ENOX1: variants seen among roughly 807,000 people sequenced by gnomAD.
ENOX1 encodes the protein candidate growth-related and time keeping constitutive hydroquinone (NADH) oxidase.
In ENOX1, 42 loss-of-function variants were observed where a neutral mutation model predicts 82.5. That is an observed-to-expected ratio of 0.51 (90% CI 0.40 to 0.66). ENOX1 has a LOEUF of 0.66. ENOX1 is among the 30% of genes least tolerant of loss of function. ENOX1 has a pLI of 0.00. For missense variants in ENOX1, 608 were observed against 811.6 expected (o/e 0.75, Z 3.05); for synonymous variants, 271 against 282.2 (o/e 0.96, Z 0.40).
At chr13:43,687,724 T>C (rs905111528) in intron 1 of ENOX1, among the ~76,000 whole-genome samples, 7 of 152,116 alleles carry the variant, frequency 4.6e-5, no homozygotes, top group Non-Finnish European at 7.4e-5. Flanking sequence ...TCCGTGGCCC[T>C]TCCTCTTGCA....
At chr13:43,291,381 C>T (rs570172553) in intron 12 of ENOX1, among the ~76,000 whole-genome samples, 1 of 152,290 alleles carries the variant, frequency 6.6e-6, no homozygotes, top group African/African-American at 2.4e-5. Context: ...AGAGCAAGTT[C>T]ACTATCTATC....
Position 43,506,825 on chromosome 13 carries a change from G to A in ENOX1, c.-218-22673C>T, listed in dbSNP as rs569058957. On this transcript the variant is annotated intron_variant, in intron 2 of 16. Transcript: ENST00000690772. ...CACAGGAAGGGGAACATCACACAAC[G>A]GGGAATGTTGTGGGGTGGGGGGACG... Among the ~76,000 whole-genome samples the A allele has an allele frequency of 1.1e-3, 171 of 150,496 alleles. No individual in the cohort carries two copies. In the Middle Eastern group the frequency reaches 0.017, roughly 15 times the overall value.
intron 8 of ENOX1, among the ~76,000 whole-genome samples, chr13:43,346,518 T>C (rs77123344): frequency 1.3e-5 from 2 of 152,244 alleles, no homozygotes; most frequent in African/African-American, 2.4e-5. Context: ...TCTCAACCCA[T>C]AGGCACAGAA....
At position 43,597,727 on chromosome 13, in the gene ENOX1, G is replaced by C. The variant is rs141372432; in HGVS notation, c.-219+69752C>G. Among the ~76,000 whole-genome samples, 49 of 152,292 alleles carry C rather than the reference G, an allele frequency of 3.2e-4. 1 individual carries two copies. The highest frequency in any genetic ancestry group is 6.9e-4 in the Non-Finnish European group (47 of 68,018). On this transcript the variant is annotated intron_variant, in intron 2 of 16. Transcript: ENST00000690772. Reference sequence around the variant, plus strand: ...CCTGCAAAGTCTCCCATCTCACTCAGAGAAAAAGCTGAGTCCTTACATCAG... The same window carrying C: ...CCTGCAAAGTCTCCCATCTCACTCACAGAAAAAGCTGAGTCCTTACATCAG...
intron 5 of ENOX1, among the ~76,000 whole-genome samples, chr13:43,400,264 C>A (rs1232087663): frequency 5.3e-5 from 8 of 152,142 alleles, no homozygotes; most frequent in Admixed American, 2.6e-4. Flanking sequence ...TCTCTTCCAA[C>A]CTTCCATTCC....
chr13:43,481,497 G>C (rs1194653046), intron 3 of ENOX1, among the ~76,000 whole-genome samples: 1 of 151,996 alleles, frequency 6.6e-6, no homozygotes, highest in African/African-American at 2.4e-5. Flanking sequence ...TTTTATACCA[G>C]ACACCAAAAC....
intron 3 of ENOX1, among the ~76,000 whole-genome samples, chr13:43,445,370 G>A (rs112157241): frequency 2.7e-4 from 41 of 152,194 alleles, no homozygotes; most frequent in African/African-American, 7.2e-4. Context: ...TGATCTGCCC[G>A]CCTTGGCCTC....
At chr13:43,599,988 GA>G (rs1337005575) in intron 2 of ENOX1, among the ~76,000 whole-genome samples, 2 of 151,830 alleles carry the variant, frequency 1.3e-5, no homozygotes, top group Non-Finnish European at 2.9e-5. Flanking sequence ...GCTGACTAAA[GA>G]GCACTTTGAC....
At chr13:43,636,523 T>G (rs960814839) in intron 2 of ENOX1, among the ~76,000 whole-genome samples, 8 of 152,192 alleles carry the variant, frequency 5.3e-5, no homozygotes, top group African/African-American at 1.9e-4. Flanking sequence ...GCCCACGAAC[T>G]TTTGTCAGGA....
At chr13:43,264,379 C>T (rs906164925) in intron 14 of ENOX1, among the ~76,000 whole-genome samples, 2 of 152,222 alleles carry the variant, frequency 1.3e-5, no homozygotes, top group Non-Finnish European at 2.9e-5. Context: ...GGGCAGACAA[C>T]TAGTCTTATA....
chr13:43,695,419 C>T (rs892921057), intron 1 of ENOX1, among the ~76,000 whole-genome samples: 2 of 149,678 alleles, frequency 1.3e-5, no homozygotes, highest in African/African-American at 4.9e-5. Flanking sequence ...GACCCATTCT[C>T]CTTTTACTTT....
intron 14 of ENOX1, among the ~76,000 whole-genome samples, chr13:43,260,831 G>T (rs1189568276): frequency 6.6e-6 from 1 of 152,148 alleles, no homozygotes; most frequent in African/African-American, 2.4e-5. Context: ...AATTGGGTCT[G>T]AAACAACTGA....
intron 1 of ENOX1, among the ~76,000 whole-genome samples, chr13:43,708,085 CA>C (rs2087436071): frequency 6.6e-6 from 1 of 152,178 alleles, no homozygotes; most frequent in African/African-American, 2.4e-5. Context: ...AGCTGATGAT[CA>C]GCGGCTTCCT....
intron 1 of ENOX1, among the ~76,000 whole-genome samples, chr13:43,725,993 T>C (rs1056750986): frequency 6.6e-6 from 1 of 151,990 alleles, no homozygotes; most frequent in Non-Finnish European, 1.5e-5. Flanking sequence ...CTGATTATCT[T>C]ACTTTCTTTG....
chr13:43,769,038 C>A (rs1360748422), intron 1 of ENOX1, among the ~76,000 whole-genome samples: 1 of 152,184 alleles, frequency 6.6e-6, no homozygotes, highest in Non-Finnish European at 1.5e-5. Flanking sequence ...GAAGAAGCAA[C>A]ATGGTGAACA....
intron 15 of ENOX1, among the ~76,000 whole-genome samples, chr13:43,226,713 T>C (rs1333564187): frequency 2.6e-5 from 4 of 152,096 alleles, no homozygotes; most frequent in Non-Finnish European, 5.9e-5. Flanking sequence ...GAGTCAGCTT[T>C]GGCTTTGTGA....
chr13:43,718,379 G>A (rs558763906), intron 1 of ENOX1, among the ~76,000 whole-genome samples: 1 of 152,206 alleles, frequency 6.6e-6, no homozygotes, highest in Admixed American at 6.5e-5. Context: ...ACTACCAGAT[G>A]GGAGAGGGAG....
At chr13:43,267,017 G>A (rs1304671609) in intron 13 of ENOX1, among the ~76,000 whole-genome samples, 2 of 151,988 alleles carry the variant, frequency 1.3e-5, no homozygotes, top group African/African-American at 2.4e-5. Flanking sequence ...CTCTGCTCTC[G>A]CTTTTTCTGC....
At chr13:43,698,615 T>C (rs865852720) in intron 1 of ENOX1, among the ~76,000 whole-genome samples, 5 of 152,216 alleles carry the variant, frequency 3.3e-5, no homozygotes, top group African/African-American at 1.2e-4. Flanking sequence ...AGTTTTTTTT[T>C]ACCTCATATT....
Sources: allele counts gnomAD v4.1 joint callset (sites outside exome capture counted in the v4.1 genomes callset), GRCh38; gene constraint gnomAD v4.1.1; transcripts MANE v1.5; gene names NCBI Gene and HGNC (gene_info 2026-07-23, HGNC 2026-07-21).